LNPEP: variants seen among roughly 807,000 people sequenced by gnomAD.
LNPEP encodes the protein leucyl and cystinyl aminopeptidase.
A neutral mutation model predicts 120.6 loss-of-function variants in LNPEP; 64 were observed. The ratio of observed to expected loss-of-function variants is 0.53; its 90% CI spans 0.43 to 0.65. LNPEP has a LOEUF of 0.65. Among genes scored for constraint, LNPEP ranks in the 30% least tolerant of loss-of-function variants. LNPEP has a pLI of 0.00. For synonymous variants in LNPEP, 435 were observed against 425.4 expected (o/e 1.02, Z -0.28); for missense variants, 1,057 against 1,200.0 (o/e 0.88, Z 1.76).
intron 16 of LNPEP, among the ~76,000 whole-genome samples, chr5:97,027,011 G>A (rs1011820705): frequency 2.6e-5 from 4 of 152,110 alleles, no homozygotes; most frequent in Admixed American, 2.6e-4. Context: ...TTAGCTCAGC[G>A]TGGCTACAGA....
chr5:97,010,952 GT>G (rs558236481), intron 11 of LNPEP: 2 of 985,260 alleles, frequency 2.0e-6, no homozygotes, highest in Non-Finnish European at 2.4e-6. Flanking sequence ...GTCTGTCTTT[GT>G]GCTGTTGGCT....
At chr5:96,943,238 G>T in intron 1 of LNPEP, 1 of 75,214 alleles carries the variant, frequency 1.3e-5, no homozygotes. Context: ...AAAAAAAAAA[G>T]AAAACTATAG....
At chr5:96,940,403 C>A (rs1351816684) in intron 1 of LNPEP, among the ~76,000 whole-genome samples, 1 of 151,056 alleles carries the variant, frequency 6.6e-6, no homozygotes, top group African/African-American at 2.4e-5. Flanking sequence ...CTTTTGAATG[C>A]CCATTTACAA....
In LNPEP at chr5:97,033,381, T is replaced by C. The variant is rs1791507948; in HGVS notation, c.*4848T>C. 6.6e-6 allele frequency: 1 copy of C among 152,206 alleles called. No individual in the cohort carries two copies. Among genetic ancestry groups the C allele is most frequent in the African/African-American group, 2.4e-5 (1 of 41,458 alleles). The allele number at this position is 152,206 out of a possible 1,614,324, so 9.4% of individuals were successfully genotyped here. ...GTATTAATTCATCGGGTGCCCAGAC[T>C]GAAAGGTACCTAATGAACCATGGAG... On this transcript the variant is annotated 3_prime_UTR_variant, in exon 18 of 18. Coordinates refer to ENST00000231368, the MANE Select transcript of LNPEP (RefSeq NM_005575.3).
chr5:96,954,756 A>G (rs190505642), intron 1 of LNPEP, among the ~76,000 whole-genome samples: 3,883 of 47,374 alleles, frequency 0.082, 905 homozygotes, highest in Non-Finnish European at 0.12. Flanking sequence ...ACACATATAT[A>G]TATATATATA....
intron 15 of LNPEP, 124 bp from the exon 16 acceptor site, chr5:97,026,493 C>G: frequency 1.4e-6 from 1 of 696,490 alleles, no homozygotes; most frequent in African/African-American, 1.8e-5. Context: ...TAGACTAATG[C>G]AACAGTTATT....
chr5:96,949,110 C>T (rs1418498878), intron 1 of LNPEP, among the ~76,000 whole-genome samples: 1 of 152,190 alleles, frequency 6.6e-6, no homozygotes, highest in African/African-American at 2.4e-5. Context: ...TTTCTTGGAT[C>T]CTAATTCTTT....
intron 13 of LNPEP, among the ~76,000 whole-genome samples, chr5:97,016,103 C>G (rs1369061431): frequency 3.3e-5 from 5 of 152,018 alleles, no homozygotes; most frequent in African/African-American, 1.2e-4. Context: ...GCTTTTCTCC[C>G]CCAAAAGTTT....
rs1561438573 is a variant in LNPEP at position 96,979,122 on chromosome 5, T to G, written c.20-16T>G. ...TTTCTAACTCTGTGCCTTGTTCTTA[T>G]GTTTTGGTTTTTTAGATCGGCTTCA... On this transcript the variant is annotated splice_polypyrimidine_tract_variant and intron_variant, in intron 1 of 17. Coordinates refer to ENST00000231368, the MANE Select transcript of LNPEP (RefSeq NM_005575.3). 6.4e-7 allele frequency: 1 copy of G among 1,571,798 alleles called. No individual in the cohort carries two copies.
chr5:96,997,945 A>G lies in LNPEP; in HGVS notation c.1522-69A>G, dbSNP rs1790554150. 13 of 1,143,846 alleles carry G rather than the reference A, an allele frequency of 1.1e-5. No individual in the cohort carries two copies. The South Asian group carries it at 2.0e-4, about 17-fold the overall frequency. 70.9% of individuals were successfully genotyped at this position (1,143,846 alleles called of 1,614,324 possible). A position where few individuals can be genotyped will look rare whatever the true frequency, so the allele number is the denominator to read the frequency against. On this transcript the variant is annotated intron_variant, in intron 7 of 17. Coordinates refer to ENST00000231368, the MANE Select transcript of LNPEP (RefSeq NM_005575.3). ...TTTCACACTAATTAGTCTAATTCAC[A>G]TAAATAATTTACTATACTTTTGCAT...
intron 1 of LNPEP, among the ~76,000 whole-genome samples, chr5:96,970,694 C>T (rs1355000402): frequency 6.6e-6 from 1 of 151,854 alleles, no homozygotes; most frequent in Non-Finnish European, 1.5e-5. Flanking sequence ...TTTAAAATCA[C>T]TTTTTCAGTG....
intron 17 of LNPEP, 56 bp from the exon 18 acceptor site, chr5:97,028,346 A>G: frequency 1.3e-6 from 2 of 1,534,346 alleles, no homozygotes; most frequent in Non-Finnish European, 1.8e-6. Flanking sequence ...AGCTGGGGTT[A>G]CCTGAGGTTT....
intron 16 of LNPEP, among the ~76,000 whole-genome samples, chr5:97,027,430 A>G (rs1219359644): frequency 2.6e-5 from 4 of 151,602 alleles, no homozygotes; most frequent in Admixed American, 2.0e-4. Context: ...CTAGATGCAG[A>G]TGTAGGTTTT....
chr5:96,971,885 A>T (rs893499771), intron 1 of LNPEP, among the ~76,000 whole-genome samples: 3 of 152,004 alleles, frequency 2.0e-5, no homozygotes, highest in African/African-American at 7.2e-5. Context: ...CGTCTTCTTC[A>T]GGGATTCTTT....
rs910777733 is a variant in LNPEP, at chr5:97,032,563, T to C, written c.*4030T>C. ...TGATGAAGAGTGATATATCATCCTATGAAAATTTCATCTACCCTTCCCATT... is the reference window on the plus strand; with the variant it reads ...TGATGAAGAGTGATATATCATCCTACGAAAATTTCATCTACCCTTCCCATT... On this transcript the variant is annotated 3_prime_UTR_variant, in exon 18 of 18. Transcript: ENST00000231368. 2 of 152,230 alleles carry C rather than the reference T, an allele frequency of 1.3e-5. No homozygotes were observed. The highest frequency in any genetic ancestry group is 2.9e-5 in the Non-Finnish European group (2 of 68,038). The allele number at this position is 152,230 out of a possible 1,614,324, so 9.4% of individuals were successfully genotyped here.
Position 97,014,923 on chromosome 5 carries a change from T to C in LNPEP, c.2220-16T>C. 1 of 1,494,322 alleles carries C rather than the reference T, an allele frequency of 6.7e-7. No individual in the cohort carries two copies. The highest frequency in any genetic ancestry group is 8.9e-7 in the Non-Finnish European group (1 of 1,121,100). The allele number at this position is 1,494,322 out of a possible 1,614,324, so 92.6% of individuals were successfully genotyped here. A position where few individuals can be genotyped will look rare whatever the true frequency, so the allele number is the denominator to read the frequency against. On this transcript the variant is annotated splice_polypyrimidine_tract_variant and intron_variant, in intron 12 of 17. Transcript: ENST00000231368. ...TGTCTCTGCATATTTACTTTTCCTG[T>C]TCTTTTATCCTTTAGCCTAGGCAAG...
At chr5:96,947,172 A>G (rs892925065) in intron 1 of LNPEP, among the ~76,000 whole-genome samples, 2 of 152,198 alleles carry the variant, frequency 1.3e-5, no homozygotes, top group Non-Finnish European at 2.9e-5. Flanking sequence ...TTGACAATGT[A>G]AATTACTTTA....
intron 4 of LNPEP, among the ~76,000 whole-genome samples, chr5:96,992,418 G>T (rs1247840960): frequency 1.3e-5 from 2 of 152,094 alleles, no homozygotes; most frequent in African/African-American, 4.8e-5. Context: ...AGAAAAACTG[G>T]CTGTGCCATA....
chr5:96,981,970 C>G (rs1238355876), intron 2 of LNPEP, among the ~76,000 whole-genome samples: 1 of 152,080 alleles, frequency 6.6e-6, no homozygotes, highest in Non-Finnish European at 1.5e-5. Context: ...CCATGGTGAA[C>G]TTTCTGATGA....
Sources: gnomAD v4.1 joint callset for allele counts (sites outside exome capture counted in the v4.1 genomes callset) on GRCh38, gnomAD v4.1.1 for gene constraint, MANE v1.5 for transcripts, NCBI Gene and HGNC (gene_info 2026-07-23, HGNC 2026-07-21) for gene names.